The following IL1RAPL1 variants were observed in gnomAD, a reference collection of about 807,000 sequenced individuals.
IL1RAPL1 encodes interleukin-1 receptor accessory protein-like 1.
A neutral mutation model predicts 48.4 loss-of-function variants in IL1RAPL1; 3 were observed. The ratio of observed to expected loss-of-function variants is 0.06; its 90% CI spans 0.03 to 0.16. The LOEUF (loss-of-function observed/expected upper bound fraction) is 0.16. Among genes scored for constraint, IL1RAPL1 ranks in the 10% least tolerant of loss-of-function variants. The pLI is 1.00. For synonymous variants in IL1RAPL1, 185 were observed against 187.7 expected, an observed-to-expected ratio of 0.99 and a Z score of 0.12; for missense variants, 349 against 530.6, an observed-to-expected ratio of 0.66 and a Z score of 3.36.
At chrX:28,596,344 T>A (rs1235610231) in intron 1 of IL1RAPL1, among the ~76,000 whole-genome samples, 1 of 109,931 alleles carries the variant, frequency 9.1e-6, no homozygotes, top group African/African-American at 3.3e-5. Flanking sequence ...CCTGTCTCCC[T>A]CCCTCCCTTC....
intron 6 of IL1RAPL1, among the ~76,000 whole-genome samples, chrX:29,701,018 T>G (rs977163943): frequency 8.9e-6 from 1 of 112,169 alleles, no homozygotes; most frequent in Non-Finnish European, 1.9e-5. Flanking sequence ...GAACTTTGAT[T>G]ACAAGGACCA....
At chrX:28,783,382 A>G (rs144889267) in intron 1 of IL1RAPL1, among the ~76,000 whole-genome samples, 1,510 of 111,761 alleles carry the variant, frequency 0.014, 14 homozygotes, top group Non-Finnish European at 0.022. Context: ...TTGGTTTTTT[A>G]GTCATATTGT....
chrX:29,648,387 A>G (rs1352741282), intron 5 of IL1RAPL1, among the ~76,000 whole-genome samples: 1 of 111,896 alleles, frequency 8.9e-6, no homozygotes, highest in South Asian at 3.7e-4. Flanking sequence ...CCCATGTTAG[A>G]CCACAAAACA....
chrX:29,418,092 TATATA>T (rs1316780108), intron 5 of IL1RAPL1, among the ~76,000 whole-genome samples: 10 of 47,375 alleles, frequency 2.1e-4, no homozygotes, highest in African/African-American at 9.1e-4. Flanking sequence ...AAAAAAGTAA[TATATA>T]TATATATATA....
chrX:28,849,453 C>G (rs1921601362), intron 2 of IL1RAPL1, among the ~76,000 whole-genome samples: 1 of 111,850 alleles, frequency 8.9e-6, no homozygotes, highest in South Asian at 3.7e-4. Context: ...CCTAGAAAAT[C>G]ATATGAAAGA....
At chrX:28,879,671 A>G (rs1489819868) in intron 2 of IL1RAPL1, among the ~76,000 whole-genome samples, 1 of 112,031 alleles carries the variant, frequency 8.9e-6, no homozygotes, top group Non-Finnish European at 1.9e-5. Context: ...GAAAAAAGTC[A>G]TCTTTCAAAA....
At chrX:29,228,178 GCACACACACACACACACACACA>G (rs35435025) in intron 2 of IL1RAPL1, among the ~76,000 whole-genome samples, 7 of 84,386 alleles carry the variant, frequency 8.3e-5, no homozygotes, top group African/African-American at 9.2e-5. Context: ...ACACACGCGT[GCACACACACACACACACACACA>G]CACACACACA....
chrX:28,923,975 T>C (rs1480582298), intron 2 of IL1RAPL1: 1 of 111,196 alleles, frequency 9.0e-6, no homozygotes, highest in African/African-American at 3.3e-5. Flanking sequence ...CTATTATGGA[T>C]TTTGGGGGTT....
chrX:29,670,668 G>C (rs950811017), intron 6 of IL1RAPL1, among the ~76,000 whole-genome samples: 19 of 112,040 alleles, frequency 1.7e-4, no homozygotes, highest in African/African-American at 5.8e-4. Flanking sequence ...GACAAAAAAG[G>C]CTTGAGATGA....
At chrX:28,771,890 C>A (rs1426937436) in intron 1 of IL1RAPL1, among the ~76,000 whole-genome samples, 1 of 93,299 alleles carries the variant, frequency 1.1e-5, no homozygotes, top group Non-Finnish European at 2.0e-5. Context: ...GAGATTGCGC[C>A]ACTGCAGTCC....
rs181583129 is a variant in IL1RAPL1, at chrX:29,091,042, A to G, written c.83-191896A>G. Among the ~76,000 whole-genome samples, 9 of 112,328 alleles carry G rather than the reference A, an allele frequency of 8.0e-5. No individual in the cohort carries two copies. The East Asian group carries it at 2.5e-3, about 32-fold the overall frequency. On this transcript the variant is annotated intron_variant, in intron 2 of 10. Transcript: ENST00000378993. ...TGGCTTCCAAGGAATGGCACTGACC[A>G]CAGCTAGTTTGTAGTGTCTGGAAAA...
intron 2 of IL1RAPL1, among the ~76,000 whole-genome samples, chrX:28,873,596 A>G (rs1306599407): frequency 5.2e-5 from 5 of 95,629 alleles, no homozygotes; most frequent in Admixed American, 1.2e-4. Context: ...CAGTGGCTCA[A>G]TCTCGGCTCA....
At chrX:29,089,567 C>CTTT (rs72154648) in intron 2 of IL1RAPL1, among the ~76,000 whole-genome samples, 2 of 100,357 alleles carry the variant, frequency 2.0e-5, no homozygotes, top group African/African-American at 3.7e-5. Flanking sequence ...ATGTTTGTAC[C>CTTT]TTTTTTTTTA....
At chrX:29,084,369 T>C (rs1027469038) in intron 2 of IL1RAPL1, among the ~76,000 whole-genome samples, 1 of 111,675 alleles carries the variant, frequency 9.0e-6, no homozygotes, top group Non-Finnish European at 1.9e-5. Context: ...GGTAAAATAG[T>C]TTATTAAATT....
chrX:29,043,385 CT>C lies in IL1RAPL1; in HGVS notation c.83-239544del, dbSNP rs888232180. On this transcript the variant is annotated intron_variant, in intron 2 of 10. Coordinates refer to ENST00000378993, the MANE Select transcript of IL1RAPL1 (RefSeq NM_014271.4). ...TACCAAGGGTGTGGCCAGATGTGAT[CT>C]TTTTTTTTCAGGGCCTTAAATCCAG... Among the ~76,000 whole-genome samples the C allele has an allele frequency of 4.6e-5, 5 of 109,256 alleles. No homozygotes were observed. The East Asian group carries it at 8.6e-4, about 19-fold the overall frequency. The allele number at this position is 109,256 out of a possible 115,157, so 94.9% of individuals were successfully genotyped here. A position where few individuals can be genotyped will look rare whatever the true frequency, so the allele number is the denominator to read the frequency against.
intron 2 of IL1RAPL1, among the ~76,000 whole-genome samples, chrX:28,881,013 A>G (rs1922489185): frequency 9.0e-6 from 1 of 110,968 alleles, no homozygotes; most frequent in Non-Finnish European, 1.9e-5. Flanking sequence ...TCATTATTTT[A>G]CCTTTTCTGA....
intron 2 of IL1RAPL1, among the ~76,000 whole-genome samples, chrX:29,069,669 A>C (rs867509556): frequency 4.9e-5 from 5 of 101,496 alleles, no homozygotes; most frequent in Admixed American, 1.1e-4. Flanking sequence ...ACACACACAC[A>C]CCCCTCCCCT....
intron 2 of IL1RAPL1, among the ~76,000 whole-genome samples, chrX:28,915,780 A>T (rs1213854525): frequency 9.0e-6 from 1 of 111,433 alleles, no homozygotes; most frequent in East Asian, 2.8e-4. Flanking sequence ...GTGATGAATA[A>T]ATTACAATTC....
rs146573165 is a variant in IL1RAPL1, at chrX:29,757,261, T to C, written c.778+88757T>C. Among the ~76,000 whole-genome samples, 731 of 112,116 alleles carry C rather than the reference T, an allele frequency of 6.5e-3. 5 individuals are homozygous for C. Among genetic ancestry groups the C allele is most frequent in the African/African-American group, 0.023 (699 of 30,905 alleles). On this transcript the variant is annotated intron_variant, in intron 6 of 10. Coordinates refer to ENST00000378993, the MANE Select transcript of IL1RAPL1 (RefSeq NM_014271.4). Reference sequence around the variant, plus strand: ...AGTTGCATAGCTCATAAAATTATAATCTCTTGAAGTTGAAGCTTCAGGTTC... The same window carrying C: ...AGTTGCATAGCTCATAAAATTATAACCTCTTGAAGTTGAAGCTTCAGGTTC...
Sources: gnomAD v4.1 joint callset for allele counts (sites outside exome capture counted in the v4.1 genomes callset) on GRCh38, gnomAD v4.1.1 for gene constraint, MANE v1.5 for transcripts, NCBI Gene and HGNC (gene_info 2026-07-23, HGNC 2026-07-21) for gene names.